Variants in OSBPL10 observed in about 807,000 individuals in gnomAD.
OSBPL10 encodes the protein oxysterol binding protein like 10, also known as oxysterol-binding protein-related protein 10.
OSBPL10 carries 49 observed loss-of-function variants against 81.7 expected under a neutral mutation model. That is an observed-to-expected ratio of 0.60 (90% CI 0.48 to 0.76). The LOEUF (loss-of-function observed/expected upper bound fraction) is 0.76. Ranked by LOEUF, OSBPL10 falls within the 30% of genes least tolerant of loss-of-function variation. The pLI is 0.00. For missense variants in OSBPL10, 923 were observed against 987.8 expected, an observed-to-expected ratio of 0.93 and a Z score of 0.88; for synonymous variants, 419 against 383.6, an observed-to-expected ratio of 1.09 and a Z score of -1.08.
chr3:31,725,300 C>T (rs1362191923), intron 6 of OSBPL10, among the ~76,000 whole-genome samples: 1 of 152,138 alleles, frequency 6.6e-6, no homozygotes, highest in East Asian at 1.9e-4. Context: ...AGCATAACAA[C>T]ATTATGGCTC....
intron 1 of OSBPL10, among the ~76,000 whole-genome samples, chr3:31,967,875 A>C (rs908748680): frequency 6.6e-6 from 1 of 152,350 alleles, no homozygotes; most frequent in Admixed American, 6.5e-5. Context: ...CCACATTAGA[A>C]GACTAGAATT....
intron 6 of OSBPL10, among the ~76,000 whole-genome samples, chr3:31,732,350 T>A (rs552393831): frequency 6.6e-6 from 1 of 152,220 alleles, no homozygotes; most frequent in African/African-American, 2.4e-5. Flanking sequence ...TGGAGAAAAA[T>A]TTCCATTGAT....
At chr3:31,741,012 T>G (rs1697331203) in intron 5 of OSBPL10, among the ~76,000 whole-genome samples, 1 of 151,964 alleles carries the variant, frequency 6.6e-6, no homozygotes, top group East Asian at 1.9e-4. Context: ...AGGGCAAAGG[T>G]TTGACTGTGG....
intron 1 of OSBPL10, among the ~76,000 whole-genome samples, chr3:31,926,289 G>GCCCGCCCCCCC (rs1553641092): frequency 7.7e-6 from 1 of 130,114 alleles, no homozygotes; most frequent in Non-Finnish European, 1.6e-5. Context: ...GGGTGATTTT[G>GCCCGCCCCCCC]CCCCCCCAGA....
At position 32,035,469 on chromosome 3, in the gene OSBPL10, G is replaced by T. The variant is rs557088940; in HGVS notation, n.298+11022C>A. The stretch of plus-strand genomic sequence containing the variant: ...CCTAGCTACTCAGGAAGCTGAGGCA[G>T]GAGAATGGCTTGAACTTGGGAGGCA... On this transcript the variant is annotated intron_variant and non_coding_transcript_variant, in intron 2 of 3. Transcript: ENST00000479173. 4.0e-5 allele frequency among the ~76,000 whole-genome samples: 6 copies of T among 151,400 alleles called. No homozygotes were observed. In the East Asian group the frequency reaches 9.7e-4, roughly 25 times the overall value.
rs1485968747 is a variant in OSBPL10, at chr3:31,783,146, T to TATATATATATATATACAC, written c.730-35027_730-35026insGTGTATATATATATATAT. ...ATATATATATATATATATATATATA[T>TATATATATATATATACAC]ACACACACACCATAGAATACTACTC... On this transcript the variant is annotated intron_variant, in intron 4 of 11. Coordinates refer to ENST00000396556, the MANE Select transcript of OSBPL10 (RefSeq NM_017784.5). Among the ~76,000 whole-genome samples, 145 of 112,868 alleles carry TATATATATATATATACAC rather than the reference T, an allele frequency of 1.3e-3. 2 individuals carry two copies. The highest frequency in any genetic ancestry group is 5.1e-3 in the African/African-American group (133 of 25,908). 74.0% of individuals were successfully genotyped at this position (112,868 alleles called of 152,430 possible).
At chr3:31,907,549 C>T (rs1302347037) in intron 1 of OSBPL10, among the ~76,000 whole-genome samples, 7 of 135,628 alleles carry the variant, frequency 5.2e-5, no homozygotes, top group Non-Finnish European at 7.6e-5. Flanking sequence ...ATCACTTGAA[C>T]CCAAGAGGCA....
chr3:31,879,012 T>C (rs1470218996), intron 2 of OSBPL10, among the ~76,000 whole-genome samples: 1 of 152,208 alleles, frequency 6.6e-6, no homozygotes, highest in Admixed American at 6.5e-5. Context: ...TTCTGTGCGA[T>C]GGATGTGTCT....
intron 3 of OSBPL10, among the ~76,000 whole-genome samples, chr3:31,843,221 G>A (rs1700542794): frequency 6.6e-6 from 1 of 152,236 alleles, no homozygotes. Context: ...AGGCATGCAA[G>A]AGAGAGTTAA....
intron 10 of OSBPL10, 47 bp downstream of exon 10, chr3:31,668,594 GT>G: frequency 6.7e-7 from 1 of 1,494,208 alleles, no homozygotes; most frequent in Non-Finnish European, 9.0e-7. Flanking sequence ...CTTGAGTCAG[GT>G]GCCCAGCATG....
chr3:31,878,977 T>C (rs182765197), intron 2 of OSBPL10, among the ~76,000 whole-genome samples: 30 of 152,300 alleles, frequency 2.0e-4, no homozygotes, highest in Admixed American at 1.1e-3. Context: ...CAAATTACAC[T>C]GCAATTTTAT....
chr3:31,728,346 C>T (rs1696872680), intron 6 of OSBPL10, among the ~76,000 whole-genome samples: 1 of 152,184 alleles, frequency 6.6e-6, no homozygotes, highest in South Asian at 2.1e-4. Context: ...CTTAAAAACC[C>T]TCTGCTTAGT....
At chr3:31,996,599 T>A (rs573585545) in intron 2 of OSBPL10, among the ~76,000 whole-genome samples, 1 of 152,270 alleles carries the variant, frequency 6.6e-6, no homozygotes, top group East Asian at 1.9e-4. Flanking sequence ...ACAGAAAATC[T>A]CTAATACATC....
At chr3:31,949,700 A>T (rs1022736807) in intron 1 of OSBPL10, among the ~76,000 whole-genome samples, 22 of 143,106 alleles carry the variant, frequency 1.5e-4, no homozygotes, top group Admixed American at 1.3e-3. Context: ...AAAAAAAAAA[A>T]GGATACTGGG....
At chr3:31,662,951 T>G (rs1700102592) in intron 11 of OSBPL10, 1 of 985,338 alleles carries the variant, frequency 1.0e-6, no homozygotes, top group Admixed American at 6.1e-5. Flanking sequence ...GGCAAAGTCT[T>G]CTCCAGGCAG....
intron 6 of OSBPL10, among the ~76,000 whole-genome samples, chr3:31,720,971 G>A (rs1696625532): frequency 6.6e-6 from 1 of 151,730 alleles, no homozygotes; most frequent in African/African-American, 2.4e-5. Flanking sequence ...GGTTGCAAAT[G>A]GAATTGAGTT....
intron 4 of OSBPL10, among the ~76,000 whole-genome samples, chr3:31,820,527 G>A (rs562265083): frequency 2.0e-5 from 3 of 152,008 alleles, no homozygotes; most frequent in South Asian, 2.1e-4. Context: ...TCCGGGAGGC[G>A]GAGGTTGCAG....
At chr3:31,877,473 A>G (rs950724597) in intron 2 of OSBPL10, among the ~76,000 whole-genome samples, 6 of 152,282 alleles carry the variant, frequency 3.9e-5, no homozygotes, top group African/African-American at 1.4e-4. Flanking sequence ...TTATTCTCAA[A>G]TATCATGGGC....
At chr3:31,894,737 C>T (rs753175416) in intron 1 of OSBPL10, among the ~76,000 whole-genome samples, 1 of 152,174 alleles carries the variant, frequency 6.6e-6, no homozygotes, top group African/African-American at 2.4e-5. Flanking sequence ...GATTGATTAG[C>T]GGTCTGAAAC....
Sources: gnomAD v4.1 joint callset for allele counts (sites outside exome capture counted in the v4.1 genomes callset) on GRCh38, gnomAD v4.1.1 for gene constraint, MANE v1.5 for transcripts, NCBI Gene and HGNC (gene_info 2026-07-23, HGNC 2026-07-21) for gene names.